Variants in YPEL2 observed in about 807,000 individuals in gnomAD.
YPEL2 encodes protein yippee-like 2.
Under a neutral mutation model 19.1 loss-of-function variants are expected in YPEL2, and 2 were observed. The observed-to-expected ratio is 0.10, with a 90% CI of 0.04 to 0.33. The LOEUF is 0.33. Among genes scored for constraint, YPEL2 ranks in the 10% least tolerant of loss-of-function variants. The pLI is 1.00. For missense variants in YPEL2, 66 were observed against 140.7 expected (o/e 0.47, Z 2.68); for synonymous variants, 52 against 50.0 (o/e 1.04, Z -0.17).
intron 4 of YPEL2, among the ~76,000 whole-genome samples, chr17:59,394,032 A>G (rs907485119): frequency 1.3e-5 from 2 of 152,136 alleles, no homozygotes; most frequent in African/African-American, 4.8e-5. Context: ...TGTTGGGTAC[A>G]CCTTCCAGAC....
rs1344525039 is a variant in YPEL2, at chr17:59,389,441, C to T, written c.243C>T (p.Asn81=). The T allele has an allele frequency of 1.2e-6, 2 of 1,613,952 alleles. No individual in the cohort carries two copies. Among genetic ancestry groups the T allele is most frequent in the South Asian group, 1.1e-5 (1 of 91,080 alleles). ...LHAVADIYCE[N]CKTTLGWKYE... is the part of the protein sequence containing the mutation. ...CAGTCGCAGACATTTACTGTGAAAACTGCAAAACCACTCTGGGCTGGAAAT... is the reference window on the plus strand; with the variant it reads ...CAGTCGCAGACATTTACTGTGAAAATTGCAAAACCACTCTGGGCTGGAAAT... Residue 81 remains asparagine (N), a synonymous_variant, in exon 4 of 5, where the codon AAC becomes AAT. Coordinates refer to ENST00000312655, the MANE Select transcript of YPEL2 (RefSeq NM_001005404.4).
intron 1 of YPEL2, among the ~76,000 whole-genome samples, chr17:59,342,312 T>C (rs1013898880): frequency 6.6e-6 from 1 of 152,200 alleles, no homozygotes; most frequent in Non-Finnish European, 1.5e-5. Context: ...GATATTTGAA[T>C]GTGGGAAACA....
In YPEL2 at chr17:59,396,262, G is replaced by T. The variant is rs1287175128; in HGVS notation, c.271-839G>T. ...CTAATTCATTCAGCAATTATGTATT[G>T]AAATTCTGTTATGTGCCAGGCAGTC... On this transcript the variant is annotated intron_variant, in intron 4 of 4. Transcript: ENST00000312655. Among the ~76,000 whole-genome samples, 4 of 152,188 alleles carry T rather than the reference G, an allele frequency of 2.6e-5. No homozygotes were observed. In the East Asian group the frequency reaches 5.8e-4, roughly 22 times the overall value.
intron 4 of YPEL2, 137 bp from the exon 5 acceptor site, chr17:59,396,964 G>C: frequency 5.5e-6 from 3 of 541,196 alleles, no homozygotes; most frequent in Non-Finnish European, 9.4e-6. Flanking sequence ...CTGGGAGGCG[G>C]AGATTGCAGT....
chr17:59,374,265 A>G (rs1250978977), intron 2 of YPEL2, among the ~76,000 whole-genome samples: 2 of 152,198 alleles, frequency 1.3e-5, no homozygotes, highest in East Asian at 3.8e-4. Flanking sequence ...GTGCTCTTGC[A>G]TTTTGGCAAG....
intron 1 of YPEL2, among the ~76,000 whole-genome samples, chr17:59,346,984 G>C (rs1399651457): frequency 1.3e-5 from 2 of 152,170 alleles, no homozygotes; most frequent in Non-Finnish European, 2.9e-5. Context: ...CTGACACATG[G>C]TAGACTCTTA....
At chr17:59,389,662 A>G (rs2047997962) in intron 4 of YPEL2, among the ~76,000 whole-genome samples, 194 bp downstream of exon 4, 1 of 151,288 alleles carries the variant, frequency 6.6e-6, no homozygotes, top group Admixed American at 6.6e-5. Context: ...CTTCACACCT[A>G]CCCCCTGAGA....
chr17:59,337,072 C>G (rs2047702172), intron 1 of YPEL2, among the ~76,000 whole-genome samples: 1 of 152,220 alleles, frequency 6.6e-6, no homozygotes. Context: ...TGGAAGGACA[C>G]TGTCAGAAAT....
chr17:59,379,859 T>TTGTTTTGTTTTGTTTTGTTG (rs1384185851), intron 2 of YPEL2, among the ~76,000 whole-genome samples: 5 of 151,748 alleles, frequency 3.3e-5, no homozygotes, highest in Admixed American at 6.6e-5. Context: ...TTTGGGGTTT[T>TTGTTTTGTTTTGTTTTGTTG]TGTTTTGTTT....
intron 2 of YPEL2, among the ~76,000 whole-genome samples, chr17:59,373,587 G>C (rs570196594): frequency 7.7e-4 from 118 of 152,326 alleles, no homozygotes; most frequent in Non-Finnish European, 1.5e-3. Flanking sequence ...TGCCCAGCAA[G>C]GCTCCGGACA....
At chr17:59,360,181 A>G (rs1364805708) in intron 2 of YPEL2, among the ~76,000 whole-genome samples, 2 of 152,174 alleles carry the variant, frequency 1.3e-5, no homozygotes, top group African/African-American at 4.8e-5. Context: ...GGTTCACGCC[A>G]TTCTCCTGCC....
At chr17:59,391,742 A>G (rs1736245118) in intron 4 of YPEL2, among the ~76,000 whole-genome samples, 1 of 152,142 alleles carries the variant, frequency 6.6e-6, no homozygotes, top group Non-Finnish European at 1.5e-5. Context: ...TCTACCAAAA[A>G]TAAAAATATT....
At chr17:59,396,259 A>G (rs762998565) in intron 4 of YPEL2, among the ~76,000 whole-genome samples, 4 of 152,240 alleles carry the variant, frequency 2.6e-5, no homozygotes, top group Non-Finnish European at 5.9e-5. Flanking sequence ...GCAATTATGT[A>G]TTGAAATTCT....
intron 1 of YPEL2, among the ~76,000 whole-genome samples, chr17:59,336,297 A>G (rs910214164): frequency 6.6e-6 from 1 of 152,236 alleles, no homozygotes; most frequent in African/African-American, 2.4e-5. Context: ...TAGGTTGGCA[A>G]AGCCTCCAAA....
chr17:59,353,139 G>A lies in YPEL2; in HGVS notation c.-195-76G>A. The A allele has an allele frequency of 3.4e-6, 1 of 298,016 alleles. No individual in the cohort carries two copies. The highest frequency in any genetic ancestry group is 6.3e-6 in the Non-Finnish European group (1 of 159,914). The allele number at this position is 298,016 out of a possible 1,614,324, so 18.5% of individuals were successfully genotyped here. The stretch of plus-strand genomic sequence containing the variant: ...GTCAGTGTTGCCTTCTTCATGGGTG[G>A]CAGTTGGATTCTGCTTGCTTTGTAG... On this transcript the variant is annotated intron_variant, in intron 1 of 4. Coordinates refer to ENST00000312655, the MANE Select transcript of YPEL2 (RefSeq NM_001005404.4). The surrounding 1 kb of genome is among the most constrained non-coding windows in gnomAD (Gnocchi z 4.8).
chr17:59,334,324 G>A (rs2047687425), intron 1 of YPEL2, among the ~76,000 whole-genome samples: 1 of 147,740 alleles, frequency 6.8e-6, no homozygotes, highest in Non-Finnish European at 1.5e-5. Context: ...GGTTGATTTT[G>A]TTTAGTATCC....
Position 59,353,582 on chromosome 17 carries a change from C to CTGAA in YPEL2, c.117+57_117+60dup. The CTGAA allele has an allele frequency of 2.3e-6, 3 of 1,319,996 alleles. No homozygotes were observed. Among genetic ancestry groups the CTGAA allele is most frequent in the Middle Eastern group, 3.6e-4 (2 of 5,488 alleles). The allele number at this position is 1,319,996 out of a possible 1,614,324, so 81.8% of individuals were successfully genotyped here. On this transcript the variant is annotated intron_variant, in intron 2 of 4. Coordinates refer to ENST00000312655, the MANE Select transcript of YPEL2 (RefSeq NM_001005404.4). This position sits in a 1 kb window ranked among gnomAD's most constrained non-coding sequence, Gnocchi z 4.8. ...ACCCCGGGGAGGGCGCTTAGTGCTCCTGAAGTTGCAGAGGTTTACAAGCTC... is the reference window on the plus strand; with the variant it reads ...ACCCCGGGGAGGGCGCTTAGTGCTCCTGAATGAAGTTGCAGAGGTTTACAAGCTC...
rs910623190 is a variant in YPEL2 at position 59,398,430 on chromosome 17, A to G, written c.*1240A>G. The G allele has an allele frequency of 5.3e-5, 8 of 152,126 alleles. No individual in the cohort carries two copies. Among genetic ancestry groups the G allele is most frequent in the African/African-American group, 1.9e-4 (8 of 41,398 alleles). 9.4% of individuals were successfully genotyped at this position (152,126 alleles called of 1,614,324 possible). A position where few individuals can be genotyped will look rare whatever the true frequency, so the allele number is the denominator to read the frequency against. ...GATTCCTCATGCCCCTAATTGTCCC[A>G]CTTAGGCCTGAATGTCTTGCATGGA... On this transcript the variant is annotated 3_prime_UTR_variant, in exon 5 of 5. Transcript: ENST00000312655.
chr17:59,393,510 TTTTA>T (rs1372184039), intron 4 of YPEL2, among the ~76,000 whole-genome samples: 150 of 150,242 alleles, frequency 1.0e-3, no homozygotes, highest in African/African-American at 2.8e-3. Flanking sequence ...TATTTTTTTA[TTTTA>T]TTTATTTATT....
Sources: gnomAD v4.1 joint callset for allele counts (sites outside exome capture counted in the v4.1 genomes callset) on GRCh38, gnomAD v4.1.1 for gene constraint, Gnocchi (gnomAD v3.1) non-coding constraint, MANE v1.5 for transcripts, NCBI Gene and HGNC (gene_info 2026-07-23, HGNC 2026-07-21) for gene names.